DCX: variants seen among roughly 807,000 people sequenced by gnomAD.
DCX encodes the protein neuronal migration protein doublecortin.
In DCX, 4 loss-of-function variants were observed where a neutral mutation model predicts 20.9. The observed-to-expected ratio is 0.19, with a 90% confidence interval of 0.09 to 0.44. The LOEUF is 0.44. DCX is among the 20% of genes least tolerant of loss of function. The probability of loss-of-function intolerance (pLI) is 0.99; values close to 1 mark genes in which losing one functional copy is unlikely to be tolerated. For missense variants in DCX, 133 were observed against 296.9 expected (o/e 0.45, Z 4.06); for synonymous variants, 103 against 111.4 (o/e 0.92, Z 0.47).
At chrX:111,321,640 G>A (rs973524626) in intron 5 of DCX, among the ~76,000 whole-genome samples, 2 of 111,270 alleles carry the variant, frequency 1.8e-5, no homozygotes, top group African/African-American at 6.6e-5. Flanking sequence ...TTTTTGGTGC[G>A]AGTGGCCAAG....
At chrX:111,303,583 C>T (rs1172004661) in intron 6 of DCX, among the ~76,000 whole-genome samples, 3 of 111,767 alleles carry the variant, frequency 2.7e-5, no homozygotes, top group African/African-American at 6.5e-5. Context: ...AATGGAAAGA[C>T]GAGTAAAGCA....
At chrX:111,353,375 A>C (rs947728115) in intron 3 of DCX, among the ~76,000 whole-genome samples, 1 of 111,935 alleles carries the variant, frequency 8.9e-6, no homozygotes, top group African/African-American at 3.2e-5. Context: ...AGTGCATATA[A>C]AATGCTTTGA....
At chrX:111,399,213 C>CATATATATAT (rs761586513) in intron 3 of DCX, among the ~76,000 whole-genome samples, 1 of 108,340 alleles carries the variant, frequency 9.2e-6, no homozygotes, top group African/African-American at 3.3e-5. Context: ...GAATTATATG[C>CATATATATAT]ATATATATAT....
intron 3 of DCX, among the ~76,000 whole-genome samples, chrX:111,336,980 A>G (rs1278124357): frequency 1.8e-5 from 2 of 111,474 alleles, no homozygotes; most frequent in African/African-American, 3.3e-5. Context: ...GGAGGAGGAG[A>G]AGAAGAATGG....
At chrX:111,406,019 A>T (rs1603423881) in intron 2 of DCX, among the ~76,000 whole-genome samples, 1 of 112,593 alleles carries the variant, frequency 8.9e-6, no homozygotes, top group Admixed American at 9.4e-5. Context: ...TAATGTGGCC[A>T]TTTGAAAACA....
At chrX:111,373,215 G>A (rs1925245134) in intron 3 of DCX, among the ~76,000 whole-genome samples, 1 of 112,113 alleles carries the variant, frequency 8.9e-6, no homozygotes, top group Non-Finnish European at 1.9e-5. Flanking sequence ...CCAAAATACA[G>A]CAAGGCTGAC....
chrX:111,331,387 T>G (rs975027489), intron 4 of DCX, among the ~76,000 whole-genome samples: 1 of 112,126 alleles, frequency 8.9e-6, no homozygotes, highest in Non-Finnish European at 1.9e-5. Context: ...TTAATTAATT[T>G]CCCTGAATTA....
rs1556379593 is a variant in DCX at position 111,342,381 on chromosome X, A to ATC, written c.706-9230_706-9229dup. On this transcript the variant is annotated intron_variant, in intron 3 of 6. Coordinates refer to ENST00000636035, the MANE Select transcript of DCX (RefSeq NM_001195553.2). Reference sequence around the variant, plus strand: ...TATATATATATATATATATATATATATCCATCCAATACAGGAGCATCCATA... The same window carrying ATC: ...TATATATATATATATATATATATATATCTCCATCCAATACAGGAGCATCCATA... Among the ~76,000 whole-genome samples, 5 of 73,384 alleles carry ATC rather than the reference A, an allele frequency of 6.8e-5. 1 individual carries two copies. The highest frequency in any genetic ancestry group is 4.6e-4 in the Admixed American group (3 of 6,581). The allele number at this position is 73,384 out of a possible 115,157, so 63.7% of individuals were successfully genotyped here.
chrX:111,337,634 G>A (rs951837446), intron 3 of DCX, among the ~76,000 whole-genome samples: 1 of 112,106 alleles, frequency 8.9e-6, no homozygotes, highest in Non-Finnish European at 1.9e-5. Flanking sequence ...GTTCGTTTTT[G>A]AACATGCCTG....
intron 3 of DCX, among the ~76,000 whole-genome samples, chrX:111,342,201 C>CAA (rs775762991): frequency 2.1e-4 from 5 of 24,211 alleles, no homozygotes; most frequent in Non-Finnish European, 3.6e-4. Context: ...AAAAGGAAAG[C>CAA]AAAAAAAAAA....
At chrX:111,360,367 C>T (rs1797823607) in intron 3 of DCX, among the ~76,000 whole-genome samples, 1 of 111,334 alleles carries the variant, frequency 9.0e-6, no homozygotes, top group African/African-American at 3.3e-5. Context: ...TGCATCTTCT[C>T]ATTTATTTGT....
intron 3 of DCX, among the ~76,000 whole-genome samples, chrX:111,335,603 T>G (rs1921643542): frequency 8.9e-6 from 1 of 112,497 alleles, no homozygotes; most frequent in African/African-American, 3.2e-5. Context: ...AAACTATTCT[T>G]CACGTAACTA....
At chrX:111,391,024 C>A (rs1451677486) in intron 3 of DCX, among the ~76,000 whole-genome samples, 1 of 104,911 alleles carries the variant, frequency 9.5e-6, no homozygotes, top group Admixed American at 1.0e-4. Flanking sequence ...AAAAAAAATC[C>A]TTCACTGGCT....
At chrX:111,351,290 G>A (rs1355580218) in intron 3 of DCX, among the ~76,000 whole-genome samples, 2 of 111,983 alleles carry the variant, frequency 1.8e-5, no homozygotes, top group Admixed American at 1.9e-4. Flanking sequence ...CTCTCTTCTG[G>A]CCTCTGGGTG....
intron 2 of DCX, among the ~76,000 whole-genome samples, chrX:111,405,031 A>T (rs1408808299): frequency 8.9e-6 from 1 of 112,484 alleles, no homozygotes; most frequent in Admixed American, 9.4e-5. Flanking sequence ...ATTCGCTGGA[A>T]CTAAAAACCT....
chrX:111,322,507 C>T (rs1021903184), intron 5 of DCX, among the ~76,000 whole-genome samples: 5 of 112,175 alleles, frequency 4.5e-5, no homozygotes, highest in African/African-American at 1.6e-4. Flanking sequence ...TCATTCCAGT[C>T]CAAAGATACC....
intron 6 of DCX, among the ~76,000 whole-genome samples, chrX:111,305,573 C>CCGGCTT (rs1233244566): frequency 1.8e-5 from 2 of 109,333 alleles, no homozygotes; most frequent in African/African-American, 6.6e-5. Flanking sequence ...CTTTCTATCC[C>CCGGCTT]CGGCTTCTGG....
rs186592392 is a variant in DCX, at chrX:111,355,521, G to A, written c.706-22368C>T. Among the ~76,000 whole-genome samples the A allele has an allele frequency of 3.7e-3, 406 of 111,133 alleles. 3 individuals carry two copies. Among genetic ancestry groups the A allele is most frequent in the African/African-American group, 0.013 (385 of 30,602 alleles). On this transcript the variant is annotated intron_variant, in intron 3 of 6. Transcript: ENST00000636035. ...GTAAAAGTTCATTAATATCTTTAAT[G>A]TCTTGATATTATTTCCTGTTTTGCT...
At chrX:111,360,474 G>C (rs948139987) in intron 3 of DCX, among the ~76,000 whole-genome samples, 16 of 111,246 alleles carry the variant, frequency 1.4e-4, no homozygotes, top group South Asian at 7.6e-4. Flanking sequence ...GGTTGAGATG[G>C]GGATGGTTAA....
Sources: gnomAD v4.1 joint callset for allele counts (sites outside exome capture counted in the v4.1 genomes callset) on GRCh38, gnomAD v4.1.1 for gene constraint, MANE v1.5 for transcripts, NCBI Gene and HGNC (gene_info 2026-07-23, HGNC 2026-07-21) for gene names.